ANKRD28: variants seen among roughly 807,000 people sequenced by gnomAD.
ANKRD28 encodes ankyrin repeat domain 28, also known as serine/threonine-protein phosphatase 6 regulatory ankyrin repeat subunit A.
Under a neutral mutation model 126.5 loss-of-function variants are expected in ANKRD28, and 44 were observed. That is an observed-to-expected ratio of 0.35 (90% CI 0.27 to 0.45). The LOEUF (loss-of-function observed/expected upper bound fraction) is 0.45, where lower values mean the gene tolerates loss of function less well. Among genes scored for constraint, ANKRD28 ranks in the 20% least tolerant of loss-of-function variants. The probability of loss-of-function intolerance (pLI) is 1.00; values close to 1 mark genes in which losing one functional copy is unlikely to be tolerated. For missense variants in ANKRD28, 1,110 were observed against 1,316.6 expected (o/e 0.84, Z 2.43); for synonymous variants, 442 against 468.5 (o/e 0.94, Z 0.73).
At position 15,685,439 on chromosome 3, in the gene ANKRD28, T is replaced by C; in HGVS notation, c.2176A>G (p.Thr726Ala). The C allele has an allele frequency of 6.2e-7, 1 of 1,613,952 alleles. No homozygotes were observed. The highest frequency in any genetic ancestry group is 2.2e-5 in the East Asian group (1 of 44,890). The change falls in exon 21 of 28, where the codon ACA becomes GCA. Residue 726 changes from threonine to alanine, a missense_variant. By Grantham distance (58) the Thr-to-Ala change is moderately conservative. Transcript: ENST00000683139. ...GRTALHRGAV[T>A]GHEECVDALL... Reference sequence around the variant, plus strand: ...GCATCTACACATTCTTCATGGCCTGTAACTGCCTGAAAGAAAATAATTTAA... The same window carrying C: ...GCATCTACACATTCTTCATGGCCTGCAACTGCCTGAAAGAAAATAATTTAA...
chr3:15,723,130 A>T, intron 7 of ANKRD28, among the ~76,000 whole-genome samples: 1 of 152,204 alleles, frequency 6.6e-6, no homozygotes, highest in East Asian at 1.9e-4. Context: ...TCATTTATCT[A>T]GATCAAGGGT....
intron 14 of ANKRD28, among the ~76,000 whole-genome samples, chr3:15,696,748 G>C (rs2069635614): frequency 6.6e-6 from 1 of 152,044 alleles, no homozygotes; most frequent in African/African-American, 2.4e-5. Flanking sequence ...CTAAGAAGAG[G>C]TATATAAACA....
intron 2 of ANKRD28, among the ~76,000 whole-genome samples, chr3:15,789,035 C>A (rs1395735199): frequency 6.6e-6 from 1 of 152,120 alleles, no homozygotes; most frequent in African/African-American, 2.4e-5. Context: ...ATTCTATGTA[C>A]CACTCTGCTT....
intron 4 of ANKRD28, among the ~76,000 whole-genome samples, chr3:15,746,678 C>T (rs903297316): frequency 2.0e-5 from 3 of 151,900 alleles, no homozygotes; most frequent in African/African-American, 4.8e-5. Flanking sequence ...GGTTTTGTTA[C>T]GTCCTTCCCT....
At chr3:15,709,811 A>T (rs2071976276) in intron 12 of ANKRD28, 75 bp from the exon 13 acceptor site, 1 of 885,382 alleles carries the variant, frequency 1.1e-6, no homozygotes, top group Admixed American at 3.0e-5. Context: ...TTAAAGAAGC[A>T]TGAAAGCATG....
Position 15,814,153 on chromosome 3 carries a change from A to T in ANKRD28, c.28-18847T>A. 1.6e-6 allele frequency: 1 copy of T among 619,952 alleles called. No homozygotes were observed. Among genetic ancestry groups the T allele is most frequent in the Non-Finnish European group, 2.2e-6 (1 of 459,806 alleles). The allele number at this position is 619,952 out of a possible 1,614,324, so 38.4% of individuals were successfully genotyped here. A position where few individuals can be genotyped will look rare whatever the true frequency, so the allele number is the denominator to read the frequency against. On this transcript the variant is annotated intron_variant, in intron 1 of 27. Coordinates refer to the ANKRD28 transcript ENST00000399451. The surrounding 1 kb of genome is among the most constrained non-coding windows in gnomAD (Gnocchi z 4.7). ...CACATACAGTTATGTATGAAAGCTA[A>T]GTTACAAGGAGGCTTAAACAGCAAC... is the stretch of plus-strand genomic sequence containing the variant.
At chr3:15,768,157 G>A (rs1440949405) in intron 2 of ANKRD28, among the ~76,000 whole-genome samples, 5 of 151,880 alleles carry the variant, frequency 3.3e-5, no homozygotes, top group Non-Finnish European at 7.4e-5. Flanking sequence ...ATATTTGGGG[G>A]GCCTCTTACC....
intron 6 of ANKRD28, among the ~76,000 whole-genome samples, chr3:15,726,873 C>G (rs1017849466): frequency 6.6e-6 from 1 of 152,234 alleles, no homozygotes; most frequent in Admixed American, 6.5e-5. Context: ...ATTTACCATT[C>G]TGAAAATTCT....
chr3:15,731,919 CA>C (rs1275067926), intron 6 of ANKRD28: 5 of 117,994 alleles, frequency 4.2e-5, no homozygotes, highest in African/African-American at 1.3e-4. Flanking sequence ...AAGGATGTTA[CA>C]TTTTTTTTTT....
chr3:15,681,418 C>T (rs1259103366), intron 21 of ANKRD28, among the ~76,000 whole-genome samples: 1 of 152,130 alleles, frequency 6.6e-6, no homozygotes, highest in East Asian at 1.9e-4. Flanking sequence ...ACAGAAAAAT[C>T]CAAATTTCAA....
chr3:15,689,713 C>G (rs1271989162), intron 18 of ANKRD28: 1 of 236,856 alleles, frequency 4.2e-6, no homozygotes, highest in East Asian at 9.0e-5. Flanking sequence ...AGCTGGTAGT[C>G]TAGGACCTAC....
At position 15,743,545 on chromosome 3, in the gene ANKRD28, A is replaced by AACACACACACAC. The variant is rs4036221; in HGVS notation, c.352-6324_352-6313dup. Among the ~76,000 whole-genome samples the AACACACACACAC allele has an allele frequency of 1.3e-3, 177 of 140,480 alleles. 1 individual carries two copies. Among genetic ancestry groups the AACACACACACAC allele is most frequent in the South Asian group, 3.0e-3 (13 of 4,302 alleles). The allele number at this position is 140,480 out of a possible 152,430, so 92.2% of individuals were successfully genotyped here. On this transcript the variant is annotated intron_variant, in intron 4 of 27. Coordinates refer to ENST00000683139, the MANE Select transcript of ANKRD28 (RefSeq NM_001349278.2). ...CTCCAGCAGTGCAGTGTGGCTTTTT[A>AACACACACACAC]ACACACACACACACACACACACACA...
At chr3:15,834,688 G>T (rs2061284096) in intron 1 of ANKRD28, among the ~76,000 whole-genome samples, 1 of 152,064 alleles carries the variant, frequency 6.6e-6, no homozygotes, top group South Asian at 2.1e-4. Flanking sequence ...AAAACTGGTA[G>T]CAAAACCCAG....
chr3:15,826,364 A>C (rs1056050978), intron 1 of ANKRD28, among the ~76,000 whole-genome samples: 1 of 152,236 alleles, frequency 6.6e-6, no homozygotes, highest in Admixed American at 6.5e-5. Flanking sequence ...AATTACAACA[A>C]ATGTATTATC....
At chr3:15,835,337 C>T (rs968156997) in intron 1 of ANKRD28, among the ~76,000 whole-genome samples, 5 of 152,100 alleles carry the variant, frequency 3.3e-5, no homozygotes, top group South Asian at 2.1e-4. Flanking sequence ...CAAACTATAT[C>T]GCATTCTGCC....
chr3:15,850,387 A>C (rs2061627565), intron 1 of ANKRD28, among the ~76,000 whole-genome samples: 1 of 151,932 alleles, frequency 6.6e-6, no homozygotes, highest in African/African-American at 2.4e-5. Flanking sequence ...CATAACAGAT[A>C]ACCATAAATT....
chr3:15,830,005 A>G lies in ANKRD28; in HGVS notation c.27+29372T>C, dbSNP rs1434594766. The stretch of plus-strand genomic sequence containing the variant: ...CATAAGCATTTTTCCTGTGCAGCAT[A>G]TACTCATTTTATCATACAGACACCC... On this transcript the variant is annotated intron_variant, in intron 1 of 27. Coordinates refer to the ANKRD28 transcript ENST00000399451. The surrounding 1 kb of genome is among the most constrained non-coding windows in gnomAD (Gnocchi z 4.5). Among the ~76,000 whole-genome samples, 1 of 151,988 alleles carries G rather than the reference A, an allele frequency of 6.6e-6. No individual in the cohort carries two copies. Among genetic ancestry groups the G allele is most frequent in the East Asian group, 1.9e-4 (1 of 5,190 alleles).
upstream of ANKRD28, among the ~76,000 whole-genome samples, chr3:15,801,403 ACTCCGTATTATCATAGAATAGAATACT>A (rs2060463124): frequency 6.6e-6 from 1 of 152,146 alleles, no homozygotes; most frequent in Admixed American, 6.6e-5. The surrounding 1 kb of genome is among the most constrained non-coding windows in gnomAD (Gnocchi z 4.9). Context: ...ACATCTGTGA[ACTCCGTATTATCATAGAATAGAATACT>A]CAGGGTATAT....
intron 23 of ANKRD28, among the ~76,000 whole-genome samples, 160 bp downstream of exon 23, chr3:15,679,141 T>G (rs2067261844): frequency 6.6e-6 from 1 of 151,992 alleles, no homozygotes; most frequent in South Asian, 2.1e-4. Flanking sequence ...TGCACTTTTT[T>G]TTTTTTTGGT....
Sources: gnomAD v4.1 joint callset for allele counts (sites outside exome capture counted in the v4.1 genomes callset) on GRCh38, gnomAD v4.1.1 for gene constraint, Gnocchi (gnomAD v3.1) non-coding constraint, MANE v1.5 for transcripts, NCBI Gene and HGNC (gene_info 2026-07-23, HGNC 2026-07-21) for gene names.